MAP3K1: variants seen among roughly 807,000 people sequenced by gnomAD.
MAP3K1 encodes the protein mitogen-activated protein kinase kinase kinase 1, also known as MAP/ERK kinase kinase 1.
A neutral mutation model predicts 144.2 loss-of-function variants in MAP3K1; 36 were observed. That is an observed-to-expected ratio of 0.25 (90% CI 0.19 to 0.33). The LOEUF is 0.33. MAP3K1 is among the 10% of genes least tolerant of loss of function. The pLI, the probability that MAP3K1 is intolerant of heterozygous loss-of-function variation, is 1.00. For missense variants in MAP3K1, 1,650 were observed against 1,881.9 expected, an observed-to-expected ratio of 0.88 and a Z score of 2.28; for synonymous variants, 718 against 688.7, an observed-to-expected ratio of 1.04 and a Z score of -0.67.
intron 1 of MAP3K1, among the ~76,000 whole-genome samples, chr5:56,831,789 TA>T (rs1211184796): frequency 1.3e-5 from 2 of 152,216 alleles, no homozygotes. Context: ...TTATAGATAA[TA>T]CTTTGAAAAC....
chr5:56,818,155 AT>A (rs909115492), intron 1 of MAP3K1, among the ~76,000 whole-genome samples: 1 of 151,706 alleles, frequency 6.6e-6, no homozygotes, highest in African/African-American at 2.4e-5. Context: ...AATATAGTGA[AT>A]TTTTTTTTCT....
chr5:56,819,729 G>T (rs896254623), intron 1 of MAP3K1, among the ~76,000 whole-genome samples: 2 of 152,184 alleles, frequency 1.3e-5, no homozygotes, highest in Non-Finnish European at 2.9e-5. Flanking sequence ...TAGGAACTGC[G>T]TGTATATTAC....
At position 56,896,018 on chromosome 5, in the gene MAP3K1, T is replaced by G. The variant is rs1748692653; in HGVS notation, c.*2338T>G. ...AATCTCTGGGTTAAGAAAATTTGGC[T>G]TAAATGTATCCTTTGTTATTTTAAA... On this transcript the variant is annotated 3_prime_UTR_variant, in exon 20 of 20. Coordinates refer to ENST00000399503, the MANE Select transcript of MAP3K1 (RefSeq NM_005921.2). 1 of 229,242 alleles carries G rather than the reference T, an allele frequency of 4.4e-6. No homozygotes were observed. The highest frequency in any genetic ancestry group is 5.7e-5 in the Admixed American group (1 of 17,670). The allele number at this position is 229,242 out of a possible 1,614,324, so 14.2% of individuals were successfully genotyped here.
At chr5:56,825,961 GTTC>G (rs1401729750) in intron 1 of MAP3K1, among the ~76,000 whole-genome samples, 21 of 151,772 alleles carry the variant, frequency 1.4e-4, no homozygotes, top group East Asian at 5.8e-4. Flanking sequence ...TCAACTGACC[GTTC>G]TTCTTTTTTT....
At chr5:56,859,073 A>G (rs933892317) in intron 2 of MAP3K1, among the ~76,000 whole-genome samples, 14 of 151,830 alleles carry the variant, frequency 9.2e-5, no homozygotes, top group Non-Finnish European at 1.8e-4. Context: ...ATTAAAAAAA[A>G]AAAAAAAAAA....
intron 6 of MAP3K1, among the ~76,000 whole-genome samples, chr5:56,867,888 C>G (rs1747724806): frequency 6.6e-6 from 1 of 152,098 alleles, no homozygotes; most frequent in African/African-American, 2.4e-5. Flanking sequence ...TTAGCATATG[C>G]CCATGTTACA....
chr5:56,849,606 C>T (rs1747106575), intron 1 of MAP3K1, among the ~76,000 whole-genome samples: 1 of 152,168 alleles, frequency 6.6e-6, no homozygotes. Flanking sequence ...AATGTTGTAT[C>T]ATATAAAGAT....
intron 1 of MAP3K1, among the ~76,000 whole-genome samples, chr5:56,836,353 G>A (rs79706517): frequency 0.01 from 1,528 of 152,258 alleles, 13 homozygotes; most frequent in South Asian, 0.03. Context: ...TGGTGCTGGT[G>A]ACATGGGTGT....
chr5:56,879,133 C>T, intron 11 of MAP3K1, 32 bp downstream of exon 11: 1 of 1,613,496 alleles, frequency 6.2e-7, no homozygotes, highest in Non-Finnish European at 8.5e-7. Flanking sequence ...ACTTCAAACC[C>T]TCTTGTCTTA....
At position 56,864,938 on chromosome 5, in the gene MAP3K1, G is replaced by A. The variant is rs557122365; in HGVS notation, c.1035+4G>A. The A allele has an allele frequency of 5.6e-6, 9 of 1,613,740 alleles. No homozygotes were observed. The African/African-American group carries it at 1.2e-4, about 22-fold the overall frequency. On this transcript the variant is annotated splice_donor_region_variant and intron_variant, in intron 4 of 19. Coordinates refer to ENST00000399503, the MANE Select transcript of MAP3K1 (RefSeq NM_005921.2). ...CCGGGTGTTTATTGGGCCTCAGGTA[G>A]GATTCGTCACCATTTTATACTTTAT...
chr5:56,828,909 G>T (rs745563753), intron 1 of MAP3K1, among the ~76,000 whole-genome samples: 3 of 151,752 alleles, frequency 2.0e-5, no homozygotes, highest in Non-Finnish European at 2.9e-5. Context: ...AAAATGCATC[G>T]CTTGGTAACA....
intron 1 of MAP3K1, among the ~76,000 whole-genome samples, chr5:56,818,326 C>T (rs1746045404): frequency 6.6e-6 from 1 of 152,046 alleles, no homozygotes; most frequent in Admixed American, 6.5e-5. Context: ...TTAATTATAG[C>T]CAACTCAATA....
chr5:56,878,324 A>T (rs1748102341), intron 10 of MAP3K1, among the ~76,000 whole-genome samples: 1 of 152,124 alleles, frequency 6.6e-6, no homozygotes, highest in Non-Finnish European at 1.5e-5. Context: ...TAGAGGAGGG[A>T]TAGCATTACA....
At chr5:56,830,101 G>T (rs142429466) in intron 1 of MAP3K1, among the ~76,000 whole-genome samples, 1,876 of 152,246 alleles carry the variant, frequency 0.012, 47 homozygotes, top group African/African-American at 0.042. Context: ...AAAACCGTTG[G>T]TGTCTGAAGT....
chr5:56,860,051 G>A (rs1010944595), intron 3 of MAP3K1, 136 bp downstream of exon 3: 3 of 811,524 alleles, frequency 3.7e-6, no homozygotes, highest in South Asian at 1.5e-5. Context: ...GATGGGGGGG[G>A]TGGTTCCTGA....
chr5:56,888,068 A>T, intron 18 of MAP3K1, 158 bp from the exon 19 acceptor site: 1 of 651,114 alleles, frequency 1.5e-6, no homozygotes, highest in Non-Finnish European at 2.6e-6. Context: ...CTGGAAAATT[A>T]AGCTCATTAA....
intron 6 of MAP3K1, 101 bp from the exon 7 acceptor site, chr5:56,871,809 C>A: frequency 9.5e-7 from 1 of 1,049,308 alleles, no homozygotes; most frequent in South Asian, 1.3e-5. Context: ...TTAAGAATTT[C>A]TAATGTATTT....
In MAP3K1 at chr5:56,894,156, G is replaced by A. The variant is rs1748633519; in HGVS notation, c.*476G>A. The A allele has an allele frequency of 1.0e-5, 3 of 286,588 alleles. No individual in the cohort carries two copies. The highest frequency in any genetic ancestry group is 9.3e-5 in the Admixed American group (2 of 21,454). The allele number at this position is 286,588 out of a possible 1,614,324, so 17.8% of individuals were successfully genotyped here. A position where few individuals can be genotyped will look rare whatever the true frequency, so the allele number is the denominator to read the frequency against. ...CCTCTTTTAGGTCAGAGTATGCTAT[G>A]AGTAGCAATACATACATATATTTTT... On this transcript the variant is annotated 3_prime_UTR_variant, in exon 20 of 20. Transcript: ENST00000399503.
At chr5:56,857,737 A>G (rs762536005) in intron 2 of MAP3K1, among the ~76,000 whole-genome samples, 29 of 152,330 alleles carry the variant, frequency 1.9e-4, no homozygotes, top group South Asian at 6.2e-4. Context: ...GCACATTTTC[A>G]CTGCCTCAGA....
Sources: allele counts gnomAD v4.1 joint callset (sites outside exome capture counted in the v4.1 genomes callset), GRCh38; gene constraint gnomAD v4.1.1; transcripts MANE v1.5; gene names NCBI Gene and HGNC (gene_info 2026-07-23, HGNC 2026-07-21).